The following SPATA20 variants were observed in gnomAD, a reference collection of about 807,000 sequenced individuals.
SPATA20 encodes the protein spermatogenesis-associated protein 20.
A neutral mutation model predicts 98.9 loss-of-function variants in SPATA20; 74 were observed. The ratio of observed to expected loss-of-function variants is 0.75; its 90% confidence interval spans 0.62 to 0.91. SPATA20 has a LOEUF of 0.91. Among genes scored for constraint, SPATA20 ranks in the 40% least tolerant of loss-of-function variants. The probability of loss-of-function intolerance (pLI) is 0.00; values close to 1 mark genes in which losing one functional copy is unlikely to be tolerated. For synonymous variants in SPATA20, 430 were observed against 440.5 expected, an observed-to-expected ratio of 0.98 and a Z score of 0.30; for missense variants, 1,016 against 1,069.8, an observed-to-expected ratio of 0.95 and a Z score of 0.70.
Position 50,547,201 on chromosome 17 carries a change from G to A in SPATA20, c.-8G>A, listed in dbSNP as rs989229401. 1.7e-5 allele frequency: 24 copies of A among 1,426,094 alleles called. No homozygotes were observed. Among genetic ancestry groups the A allele is most frequent in the East Asian group, 9.1e-5 (3 of 33,064 alleles). The allele number at this position is 1,426,094 out of a possible 1,614,324, so 88.3% of individuals were successfully genotyped here. ...CCTCAGCGGCCGGGCCCACGGCCCC[G>A]AGCAGCCATGCTGGGCGCGCGGGCC... On this transcript the variant is annotated 5_prime_UTR_variant, in exon 1 of 17. Coordinates refer to ENST00000006658, the MANE Select transcript of SPATA20 (RefSeq NM_022827.4).
rs1597870038 is a variant in SPATA20 at position 50,550,050 on chromosome 17, C to T, written c.928C>T (p.Gln310Ter). The part of the protein sequence containing the change: ...HRLTQDGSRA[Q>*]QMALHTLKMM... ...ACTGACTCAGGATGGCTCTCGGGCC[C>T]AGCAGATGGCCTTGCATACCCTGAA... Residue 310 changes from glutamine (Q) to a stop codon, truncating the protein, a stop_gained, in exon 8 of 17, where the codon CAG becomes TAG. Coordinates refer to ENST00000006658, the MANE Select transcript of SPATA20 (RefSeq NM_022827.4). LOFTEE classifies it high-confidence loss of function. 1 of 1,604,522 alleles carries T rather than the reference C, an allele frequency of 6.2e-7. No individual in the cohort carries two copies. Among genetic ancestry groups the T allele is most frequent in the East Asian group, 2.2e-5 (1 of 44,650 alleles).
intron 4 of SPATA20, 42 bp downstream of exon 4, chr17:50,548,660 AG>A: frequency 6.2e-7 from 1 of 1,604,504 alleles, no homozygotes; most frequent in East Asian, 2.2e-5. Context: ...GTGGGCAGGG[AG>A]TGGCAGTGGA....
rs2034990678 is a variant in SPATA20, at chr17:50,550,295, T to C, written c.1081T>C (p.Tyr361His). The change falls in exon 9 of 17, where the codon TAT (tyrosine) becomes CAT (histidine). Residue 361 changes from tyrosine to histidine, a missense_variant. Physicochemically the swap from Tyr to His is moderately conservative, Grantham distance 83. Transcript: ENST00000006658. The part of the protein sequence containing the change: ...LYDQAQLAVA[Y>H]SQAFQLSGDE... ...TGACCAGGCACAGCTCGCTGTGGCC[T>C]ATTCGCAGGCCTTCCAGGTGACCCC... is the stretch of plus-strand genomic sequence containing the variant. 3 of 1,590,232 alleles carry C rather than the reference T, an allele frequency of 1.9e-6. No homozygotes were observed.
chr17:50,551,136 CG>C lies in SPATA20; in HGVS notation c.1524del (p.Lys509SerfsTer19). 1 of 1,606,274 alleles carries C rather than the reference CG, an allele frequency of 6.2e-7. No individual in the cohort carries two copies. Among genetic ancestry groups the C allele is most frequent in the Non-Finnish European group, 8.5e-7 (1 of 1,177,762 alleles). On this transcript the variant is annotated frameshift_variant, in exon 12 of 17. Coordinates refer to ENST00000006658, the MANE Select transcript of SPATA20 (RefSeq NM_022827.4). LOFTEE classifies it high-confidence loss of function. ...AGGGCTGGAGAAGCTCTTCCAGGCC[CG>C]GAAGCATCGGCCCAAGCCGCACCTG... The part of the protein sequence containing the change: ...NSGLEKLFQA[R>X]KHRPKPHLDS...
At position 50,549,197 on chromosome 17, in the gene SPATA20, C is replaced by T. The variant is rs748467638; in HGVS notation, c.660+11C>T. ...AGAATACGAGAACAGGTGGGTGTGCCTCCGGGAGTTGGGGGACCAGGGTGG... is the reference window on the plus strand; with the variant it reads ...AGAATACGAGAACAGGTGGGTGTGCTTCCGGGAGTTGGGGGACCAGGGTGG... On this transcript the variant is annotated intron_variant, in intron 6 of 16. Transcript: ENST00000006658. 1.9e-6 allele frequency: 3 copies of T among 1,592,820 alleles called. No homozygotes were observed. In the South Asian group the frequency reaches 3.4e-5, roughly 18 times the overall value.
In SPATA20 at chr17:50,550,704, A is replaced by G; in HGVS notation, c.1174-4A>G. 2.5e-6 allele frequency: 4 copies of G among 1,613,242 alleles called. No individual in the cohort carries two copies. Among genetic ancestry groups the G allele is most frequent in the Non-Finnish European group, 2.5e-6 (3 of 1,179,804 alleles). On this transcript the variant is annotated splice_polypyrimidine_tract_variant and splice_region_variant and intron_variant, in intron 10 of 16. Transcript: ENST00000006658. ...GGGGCCAGCCAACTCTCCCCTCCCC[A>G]CAGTCCGGAGGCTTCTATAGCGCAG...
chr17:50,552,271 T>C, intron 14 of SPATA20, 91 bp downstream of exon 14: 1 of 1,054,248 alleles, frequency 9.5e-7, no homozygotes, highest in Non-Finnish European at 1.4e-6. Flanking sequence ...CCTCCTGGCT[T>C]TGTGTCTCTG....
rs780258629 is a variant in SPATA20 at position 50,549,170 on chromosome 17, T to C, written c.644T>C (p.Leu215Pro). Residue 215 changes from leucine to proline, a missense_variant, in exon 6 of 17, where the codon CTG (leucine) becomes CCG (proline). Physicochemically the swap from Leu to Pro is moderately conservative, Grantham distance 98. Transcript: ENST00000006658. The stretch of plus-strand genomic sequence containing the variant: ...CGAGTCGGCTTCCGCACAGTGTTGC[T>C]GAGAATACGAGAACAGGTGGGTGTG... ...LTRVGFRTVLLRIREQWKQNK... is the reference protein window; with the variant it reads ...LTRVGFRTVLPRIREQWKQNK... 1 of 1,600,568 alleles carries C rather than the reference T, an allele frequency of 6.2e-7. No individual in the cohort carries two copies. The highest frequency in any genetic ancestry group is 1.1e-5 in the South Asian group (1 of 89,594).
chr17:50,550,762 C>T lies in SPATA20; in HGVS notation c.1228C>T (p.Arg410Trp), dbSNP rs75086184. The T allele has an allele frequency of 1.2e-4, 195 of 1,613,182 alleles. No individual in the cohort carries two copies. In the African/African-American group the frequency reaches 1.7e-3, roughly 14 times the overall value. The change falls in exon 11 of 17, where the codon CGG becomes TGG. Residue 410 changes from arginine to tryptophan, a missense_variant. Physicochemically the swap from Arg to Trp is moderately radical, Grantham distance 101 (BLOSUM62 -3). Transcript: ENST00000006658. ...AGACTCGCCCCCAGAGCGGGGCCAG[C>T]GGCCCAAAGAGGGCGCCTACTATGT... ...DADSPPERGQ[R>W]PKEGAYYVWT...
At position 50,551,037 on chromosome 17, in the gene SPATA20, G is replaced by T. The variant is rs370810756; in HGVS notation, c.1423G>T (p.Val475Phe). The change falls in exon 12 of 17, where the codon GTC becomes TTC. Residue 475 changes from valine to phenylalanine, a missense_variant. Coordinates refer to ENST00000006658, the MANE Select transcript of SPATA20 (RefSeq NM_022827.4). ...GELQGQNVLT[V>F]RYSLELTAAR... The stretch of plus-strand genomic sequence containing the variant: ...GCTGCAGGGCCAGAATGTGCTGACC[G>T]TCCGGTACTCGCTGGAGCTGACTGC... 38 of 1,613,328 alleles carry T rather than the reference G, an allele frequency of 2.4e-5. No individual in the cohort carries two copies. The highest frequency in any genetic ancestry group is 2.7e-5 in the Non-Finnish European group (32 of 1,180,024).
chr17:50,551,454 A>G, intron 12 of SPATA20, 57 bp from the exon 13 acceptor site: 1 of 1,539,800 alleles, frequency 6.5e-7, no homozygotes, highest in Non-Finnish European at 8.9e-7. Flanking sequence ...GATAGGGTGG[A>G]CATGCCTGGA....
In SPATA20 at chr17:50,555,610, G is replaced by A. The variant is rs2035107564; in HGVS notation, c.2357G>A (p.Cys786Tyr). 1 of 1,614,046 alleles carries A rather than the reference G, an allele frequency of 6.2e-7. No homozygotes were observed. Among genetic ancestry groups the A allele is most frequent in the South Asian group, 1.1e-5 (1 of 91,082 alleles). Residue 786 changes from cysteine (C) to tyrosine (Y), a missense_variant, in exon 17 of 17, where the codon TGC becomes TAC. Transcript: ENST00000006658. ...ATAYVCENQA[C>Y]SVPITDPCEL... ...GCATATGTGTGTGAGAATCAAGCCT[G>A]CTCAGTGCCCATCACTGATCCCTGC... is the stretch of plus-strand genomic sequence containing the variant.
Position 50,554,423 on chromosome 17 carries a change from C to T in SPATA20, c.2130C>T (p.Leu710=), listed in dbSNP as rs758577676. 8.1e-6 allele frequency: 13 copies of T among 1,612,862 alleles called. No individual in the cohort carries two copies. The highest frequency in any genetic ancestry group is 1.1e-5 in the Non-Finnish European group (13 of 1,180,014). Residue 710 remains leucine (L), a synonymous_variant, in exon 15 of 17, where the codon CTC becomes CTT. Transcript: ENST00000006658. ...PVALPEMVRA[L]SAQQQTLKQI... ...CGTTGCCCGAGATGGTCCGCGCCCT[C>T]TCAGCCCAGCAGCAGACCCTCAAGC...
At chr17:50,554,193 G>T in intron 14 of SPATA20, 58 bp from the exon 15 acceptor site, 1 of 1,525,218 alleles carries the variant, frequency 6.6e-7, no homozygotes. Context: ...CCTGGGCAGG[G>T]TCCTGGGACT....
intron 15 of SPATA20, 41 bp from the exon 16 acceptor site, chr17:50,555,191 C>T (rs1218129881): frequency 6.4e-7 from 1 of 1,566,476 alleles, no homozygotes. Context: ...CTCAGCCCTC[C>T]CTCCCCTGAC....
chr17:50,547,614 C>T (rs982621440), intron 1 of SPATA20, 106 bp from the exon 2 acceptor site: 18 of 755,156 alleles, frequency 2.4e-5, no homozygotes, highest in Admixed American at 2.2e-4. Flanking sequence ...CCAATAGTAC[C>T]CTGTGCCCTG....
At chr17:50,550,686 G>A in intron 10 of SPATA20, 22 bp from the exon 11 acceptor site, 1 of 1,613,264 alleles carries the variant, frequency 6.2e-7, no homozygotes, top group Non-Finnish European at 8.5e-7. Flanking sequence ...GCCGGGGCCA[G>A]CCAACTCTCC....
chr17:50,554,887 G>C (rs1344334342), intron 15 of SPATA20, among the ~76,000 whole-genome samples: 5 of 32,142 alleles, frequency 1.6e-4, no homozygotes, highest in African/African-American at 1.6e-3. Flanking sequence ...GGCATCTACT[G>C]TGTGTGTGTG....
In SPATA20 at chr17:50,551,687, G is replaced by T; in HGVS notation, c.1745+8G>T. On this transcript the variant is annotated splice_region_variant and intron_variant, in intron 13 of 16. Coordinates refer to ENST00000006658, the MANE Select transcript of SPATA20 (RefSeq NM_022827.4). ...GGGGACTGTGGAGCACAGGTTGGGG[G>T]CTGGGTAGACCGGGAGGGCCCGTCT... is the stretch of plus-strand genomic sequence containing the variant. 1 of 1,584,590 alleles carries T rather than the reference G, an allele frequency of 6.3e-7. No individual in the cohort carries two copies. Among genetic ancestry groups the T allele is most frequent in the Non-Finnish European group, 8.6e-7 (1 of 1,157,204 alleles).
Sources: allele counts gnomAD v4.1 joint callset (sites outside exome capture counted in the v4.1 genomes callset), GRCh38; gene constraint gnomAD v4.1.1; transcripts MANE v1.5; gene names NCBI Gene and HGNC (gene_info 2026-07-23, HGNC 2026-07-21).